The following CNIH4 variants were observed in gnomAD, a reference collection of about 807,000 sequenced individuals.
The protein encoded by CNIH4 is cornichon family member 4.
Under a neutral mutation model 21.5 loss-of-function variants are expected in CNIH4, and 9 were observed. The ratio of observed to expected loss-of-function variants is 0.42; its 90% CI spans 0.25 to 0.73. The LOEUF is 0.73. Among genes scored for constraint, CNIH4 ranks in the 30% least tolerant of loss-of-function variants. The pLI is 0.27. For synonymous variants in CNIH4, 67 were observed against 59.1 expected (o/e 1.13, Z -0.61); for missense variants, 159 against 170.0 (o/e 0.94, Z 0.36).
intron 3 of CNIH4, among the ~76,000 whole-genome samples, chr1:224,369,229 T>C (rs1363223985): frequency 2.0e-5 from 3 of 152,228 alleles, no homozygotes; most frequent in Non-Finnish European, 2.9e-5. Context: ...ATATGAAAGA[T>C]TGGCTGTCAG....
chr1:224,366,591 C>T (rs1558397686), intron 3 of CNIH4, among the ~76,000 whole-genome samples: 1 of 151,814 alleles, frequency 6.6e-6, no homozygotes, highest in Admixed American at 6.6e-5. Flanking sequence ...TCAAGTGATC[C>T]GCCCACCTTA....
chr1:224,372,096 G>C (rs559277379), intron 4 of CNIH4, among the ~76,000 whole-genome samples: 1 of 152,272 alleles, frequency 6.6e-6, no homozygotes, highest in South Asian at 2.1e-4. Flanking sequence ...AAATTGTGCT[G>C]ATCTTTCTTG....
In CNIH4 at chr1:224,366,000, A is replaced by AGTTT; in HGVS notation, c.251+14_251+17dup. Reference sequence around the variant, plus strand: ...ACTTGGAATATATATCGGTGAGTATAGTTTGTTTACTTTGGTGTCAAGGTA... The same window carrying AGTTT: ...ACTTGGAATATATATCGGTGAGTATAGTTTGTTTGTTTACTTTGGTGTCAAGGTA... On this transcript the variant is annotated intron_variant, in intron 3 of 4. Transcript: ENST00000465271. 6.6e-7 allele frequency: 1 copy of AGTTT among 1,524,256 alleles called. No homozygotes were observed. Among genetic ancestry groups the AGTTT allele is most frequent in the Non-Finnish European group, 9.1e-7 (1 of 1,098,258 alleles). 94.4% of individuals were successfully genotyped at this position (1,524,256 alleles called of 1,614,324 possible).
chr1:224,373,861 G>A (rs1378718158), intron 4 of CNIH4, among the ~76,000 whole-genome samples: 2 of 151,904 alleles, frequency 1.3e-5, no homozygotes, highest in Middle Eastern at 3.2e-3. Context: ...GTGGGGAGTT[G>A]GACTGGAGGA....
At position 224,379,421 on chromosome 1, in the gene CNIH4, A is replaced by G; in HGVS notation, c.*3599A>G. 1.0e-5 allele frequency: 3 copies of G among 288,398 alleles called. No individual in the cohort carries two copies. The South Asian group carries it at 1.5e-4, about 14-fold the overall frequency. The allele number at this position is 288,398 out of a possible 1,614,324, so 17.9% of individuals were successfully genotyped here. A position where few individuals can be genotyped will look rare whatever the true frequency, so the allele number is the denominator to read the frequency against. On this transcript the variant is annotated 3_prime_UTR_variant, in exon 5 of 5. Coordinates refer to ENST00000465271, the MANE Select transcript of CNIH4 (RefSeq NM_014184.4). The stretch of plus-strand genomic sequence containing the variant: ...CACCTAACACAGTGCCTTGCACACA[A>G]ACAATAAATGATTGTTGAGTGAATA...
At position 224,376,768 on chromosome 1, in the gene CNIH4, C is replaced by G; in HGVS notation, c.*946C>G. 1 of 983,954 alleles carries G rather than the reference C, an allele frequency of 1.0e-6. No homozygotes were observed. Among genetic ancestry groups the G allele is most frequent in the Non-Finnish European group, 1.2e-6 (1 of 829,426 alleles). 61.0% of individuals were successfully genotyped at this position (983,954 alleles called of 1,614,324 possible). On this transcript the variant is annotated 3_prime_UTR_variant, in exon 5 of 5. Transcript: ENST00000465271. Reference sequence around the variant, plus strand: ...ATTTCATGGACATAGCAATATACAACCAAACTCTGTTCCTTGGAGTTATAT... The same window carrying G: ...ATTTCATGGACATAGCAATATACAAGCAAACTCTGTTCCTTGGAGTTATAT...
chr1:224,357,801 CAATAAATGGTGGTTG>C (rs1202683166), intron 1 of CNIH4, among the ~76,000 whole-genome samples: 2 of 152,184 alleles, frequency 1.3e-5, no homozygotes, highest in Non-Finnish European at 2.9e-5. Flanking sequence ...TTTTCCAGAG[CAATAAATGGTGGTTG>C]AATTTAGCAC....
At chr1:224,360,733 T>C (rs1036009026) in intron 2 of CNIH4, among the ~76,000 whole-genome samples, 170 bp downstream of exon 2, 3 of 152,240 alleles carry the variant, frequency 2.0e-5, no homozygotes, top group African/African-American at 7.2e-5. Context: ...CATGAAATTA[T>C]GCTAGAAGAT....
In CNIH4 at chr1:224,379,261, G is replaced by C. The variant is rs1672855865; in HGVS notation, c.*3439G>C. On this transcript the variant is annotated 3_prime_UTR_variant, in exon 5 of 5. Coordinates refer to ENST00000465271, the MANE Select transcript of CNIH4 (RefSeq NM_014184.4). The stretch of plus-strand genomic sequence containing the variant: ...AGAGCTAAGAAAGCTTCCTATAGTA[G>C]TATCTCCCATGGCACTTACCACATT... 1 of 649,442 alleles carries C rather than the reference G, an allele frequency of 1.5e-6. No homozygotes were observed. The highest frequency in any genetic ancestry group is 2.5e-5 in the Admixed American group (1 of 39,368). The allele number at this position is 649,442 out of a possible 1,614,324, so 40.2% of individuals were successfully genotyped here. A position where few individuals can be genotyped will look rare whatever the true frequency, so the allele number is the denominator to read the frequency against.
At chr1:224,375,634 A>G (rs368923544) in intron 4 of CNIH4, among the ~76,000 whole-genome samples, 161 bp from the exon 5 acceptor site, 4 of 152,248 alleles carry the variant, frequency 2.6e-5, no homozygotes, top group African/African-American at 9.6e-5. Context: ...AAGTTTGGAC[A>G]TGAAAGATCC....
rs1672784035 is a variant in CNIH4 at position 224,376,476 on chromosome 1, A to G, written c.*654A>G. ...TGTCAAGAGCTTTCATTTAAAAGCT[A>G]CTACCTCCACAATCACCCCCAAACC... is the stretch of plus-strand genomic sequence containing the variant. On this transcript the variant is annotated 3_prime_UTR_variant, in exon 5 of 5. Transcript: ENST00000465271. 2 of 985,406 alleles carry G rather than the reference A, an allele frequency of 2.0e-6. No homozygotes were observed. Among genetic ancestry groups the G allele is most frequent in the Non-Finnish European group, 2.4e-6 (2 of 829,902 alleles). The allele number at this position is 985,406 out of a possible 1,614,324, so 61.0% of individuals were successfully genotyped here. A position where few individuals can be genotyped will look rare whatever the true frequency, so the allele number is the denominator to read the frequency against.
rs763723822 is a variant in CNIH4 at position 224,364,933 on chromosome 1, A to AG, written c.139-945dup. Among the ~76,000 whole-genome samples, 433 of 152,144 alleles carry AG rather than the reference A, an allele frequency of 2.8e-3. 1 individual carries two copies. The highest frequency in any genetic ancestry group is 5.0e-3 in the Non-Finnish European group (337 of 67,988). Reference sequence around the variant, plus strand: ...GGCGACAGAGCGAAAAAAAAAAAAAAGTATAACCAAGTTGATTGCAAATTA... The same window carrying AG: ...GGCGACAGAGCGAAAAAAAAAAAAAAGGTATAACCAAGTTGATTGCAAATTA... On this transcript the variant is annotated intron_variant, in intron 2 of 4. Coordinates refer to ENST00000465271, the MANE Select transcript of CNIH4 (RefSeq NM_014184.4).
In CNIH4 at chr1:224,376,532, G is replaced by A. The variant is rs895412460; in HGVS notation, c.*710G>A. On this transcript the variant is annotated 3_prime_UTR_variant, in exon 5 of 5. Coordinates refer to ENST00000465271, the MANE Select transcript of CNIH4 (RefSeq NM_014184.4). ...AATCCCCACTGGCTCTTGCCAGTCT[G>A]GTTTTCGTATTGCAGTTATTCCAAT... 2.6e-5 allele frequency: 26 copies of A among 985,262 alleles called. No homozygotes were observed. The highest frequency in any genetic ancestry group is 6.1e-5 in the Admixed American group (1 of 16,262). 61.0% of individuals were successfully genotyped at this position (985,262 alleles called of 1,614,324 possible). A position where few individuals can be genotyped will look rare whatever the true frequency, so the allele number is the denominator to read the frequency against.
intron 2 of CNIH4, among the ~76,000 whole-genome samples, chr1:224,361,252 A>G (rs1672281908): frequency 6.6e-6 from 1 of 151,282 alleles, no homozygotes; most frequent in Non-Finnish European, 1.5e-5. Flanking sequence ...AGTAGCTGGG[A>G]TTACAGGCAC....
chr1:224,365,965 A>T lies in CNIH4; in HGVS notation c.225A>T (p.Leu75Phe). 6.2e-7 allele frequency: 1 copy of T among 1,603,388 alleles called. No individual in the cohort carries two copies. The highest frequency in any genetic ancestry group is 8.5e-7 in the Non-Finnish European group (1 of 1,170,298). ...ACTGGTTCATCTTCCTTCTCAACTTACCTGTTGCCACTTGGAATATATATC... is the reference window on the plus strand; with the variant it reads ...ACTGGTTCATCTTCCTTCTCAACTTTCCTGTTGCCACTTGGAATATATATC... ...SLHWFIFLLN[L>F]PVATWNIYRY... Residue 75 changes from leucine (L) to phenylalanine (F), a missense_variant, in exon 3 of 5, where the codon TTA (leucine) becomes TTT (phenylalanine). Transcript: ENST00000465271.
At chr1:224,361,645 C>T (rs1672291738) in intron 2 of CNIH4, among the ~76,000 whole-genome samples, 4 of 151,612 alleles carry the variant, frequency 2.6e-5, no homozygotes, top group Admixed American at 2.6e-4. Flanking sequence ...TGCAGTGATG[C>T]GATCATGGCT....
chr1:224,357,856 C>A (rs1243142196), intron 1 of CNIH4, among the ~76,000 whole-genome samples: 1 of 152,172 alleles, frequency 6.6e-6, no homozygotes, highest in Non-Finnish European at 1.5e-5. Context: ...ACAACTCTTC[C>A]CATCTCTTGA....
At chr1:224,371,676 CT>C (rs1321238834) in intron 4 of CNIH4, among the ~76,000 whole-genome samples, 1 of 152,226 alleles carries the variant, frequency 6.6e-6, no homozygotes, top group Non-Finnish European at 1.5e-5. Flanking sequence ...GGCACGGTGA[CT>C]TACGCCTGTA....
In CNIH4 at chr1:224,377,787, T is replaced by A. The variant is rs16847784; in HGVS notation, c.*1965T>A. 6.6e-6 allele frequency: 1 copy of A among 152,042 alleles called. No individual in the cohort carries two copies. The highest frequency in any genetic ancestry group is 2.1e-4 in the South Asian group (1 of 4,828). The allele number at this position is 152,042 out of a possible 1,614,324, so 9.4% of individuals were successfully genotyped here. On this transcript the variant is annotated 3_prime_UTR_variant, in exon 5 of 5. Transcript: ENST00000465271. The stretch of plus-strand genomic sequence containing the variant: ...GAGCCACTGCGCCTGGCCATGTAGA[T>A]GACTTTTGACCAAAATGTTTCACCT...
Sources: gnomAD v4.1 joint callset for allele counts (sites outside exome capture counted in the v4.1 genomes callset) on GRCh38, gnomAD v4.1.1 for gene constraint, MANE v1.5 for transcripts, NCBI Gene and HGNC (gene_info 2026-07-23, HGNC 2026-07-21) for gene names.